GALNT13: variants seen among roughly 807,000 people sequenced by gnomAD.
GALNT13 encodes the protein polypeptide N-acetylgalactosaminyltransferase 13, also known as UDP-GalNAc:polypeptide N-acetylgalactosaminyltransferase 13.
In GALNT13, 28 loss-of-function variants were observed where a neutral mutation model predicts 64.2. The ratio of observed to expected loss-of-function variants is 0.44; its 90% CI spans 0.32 to 0.60. The LOEUF (loss-of-function observed/expected upper bound fraction) is 0.60, where lower values mean the gene tolerates loss of function less well. Ranked by LOEUF, GALNT13 falls within the 20% of genes least tolerant of loss-of-function variation. The pLI is 0.05. For synonymous variants in GALNT13, 214 were observed against 224.6 expected (o/e 0.95, Z 0.42); for missense variants, 577 against 669.8 (o/e 0.86, Z 1.53).
Position 154,037,116 on chromosome 2 carries a change from TA to T in GALNT13, c.142+92478del, listed in dbSNP as rs535153629. 1.1e-4 allele frequency among the ~76,000 whole-genome samples: 17 copies of T among 152,314 alleles called. No homozygotes were observed. The East Asian group carries it at 1.7e-3, about 16-fold the overall frequency. On this transcript the variant is annotated intron_variant, in intron 3 of 12. Transcript: ENST00000392825. ...AAGGTGATTTTATGTGACATATGTT[TA>T]TTTTTTTAATGCAATCTTCATTATA...
chr2:153,671,308 T>C, the GALNT13 span, among the ~76,000 whole-genome samples: 97,180 of 151,964 alleles, frequency 0.64, 31,497 homozygotes, highest in East Asian at 0.92. Context: ...AGAGAAAGGT[T>C]GGTTTACCCA....
At chr2:154,331,300 T>C (rs1695155041) in intron 9 of GALNT13, among the ~76,000 whole-genome samples, 1 of 151,944 alleles carries the variant, frequency 6.6e-6, no homozygotes, top group African/African-American at 2.4e-5. Flanking sequence ...TTTTAACTGT[T>C]CCCCTATGTC....
At chr2:154,261,557 T>C (rs1295281853) in intron 8 of GALNT13, among the ~76,000 whole-genome samples, 1 of 152,148 alleles carries the variant, frequency 6.6e-6, no homozygotes, top group Non-Finnish European at 1.5e-5. Context: ...TGAGAATATG[T>C]TGAGCATTTA....
At chr2:153,127,083 CA>C in the GALNT13 span, among the ~76,000 whole-genome samples, 1 of 151,948 alleles carries the variant, frequency 6.6e-6, no homozygotes, top group African/African-American at 2.4e-5. Context: ...ATACAAGCTA[CA>C]AAAAAATCTT....
chr2:153,911,498 A>T (rs930578175), intron 2 of GALNT13, among the ~76,000 whole-genome samples: 5 of 152,156 alleles, frequency 3.3e-5, no homozygotes, highest in Admixed American at 3.3e-4. Context: ...GTTACTTTAT[A>T]GTGCCACTTG....
chr2:153,638,223 T>C, the GALNT13 span, among the ~76,000 whole-genome samples: 2 of 152,106 alleles, frequency 1.3e-5, no homozygotes, highest in South Asian at 2.1e-4. Flanking sequence ...TTATATATCA[T>C]TGTAAAGATA....
the GALNT13 span, among the ~76,000 whole-genome samples, chr2:153,359,936 G>A: frequency 2.8e-3 from 424 of 152,272 alleles, 3 homozygotes; most frequent in Non-Finnish European, 4.8e-3. Context: ...CAAAAGCCTC[G>A]TTATAGGTTC....
At chr2:153,345,712 T>TTC in the GALNT13 span, among the ~76,000 whole-genome samples, 582 of 126,996 alleles carry the variant, frequency 4.6e-3, 18 homozygotes, top group Admixed American at 0.016. Context: ...TCTCTTTCTC[T>TTC]CTTTCTGTCC....
chr2:153,852,194 A>G, the GALNT13 span, among the ~76,000 whole-genome samples: 1 of 152,218 alleles, frequency 6.6e-6, no homozygotes, highest in Non-Finnish European at 1.5e-5. Flanking sequence ...CTATAACTAC[A>G]TTAAATGTAA....
chr2:154,191,293 G>A (rs1201583485), intron 4 of GALNT13, among the ~76,000 whole-genome samples: 1 of 152,090 alleles, frequency 6.6e-6, no homozygotes, highest in African/African-American at 2.4e-5. Flanking sequence ...TAAATTTTTG[G>A]CTCACTGACT....
chr2:154,157,763 G>A (rs914442577), intron 4 of GALNT13, among the ~76,000 whole-genome samples: 5 of 152,080 alleles, frequency 3.3e-5, no homozygotes, highest in South Asian at 4.1e-4. Flanking sequence ...TGCTATTGCC[G>A]AGGTCACTAA....
chr2:153,683,795 T>C, the GALNT13 span, among the ~76,000 whole-genome samples: 52 of 151,762 alleles, frequency 3.4e-4, no homozygotes, highest in African/African-American at 1.2e-3. Flanking sequence ...TTCTAATCTT[T>C]TGGGAGTAAC....
chr2:153,778,991 T>C, the GALNT13 span, among the ~76,000 whole-genome samples: 1 of 152,182 alleles, frequency 6.6e-6, no homozygotes, highest in African/African-American at 2.4e-5. Context: ...TGTGTGGTCT[T>C]GGACCCATTA....
chr2:153,934,111 T>C (rs1690730594), intron 2 of GALNT13, among the ~76,000 whole-genome samples: 1 of 152,212 alleles, frequency 6.6e-6, no homozygotes, highest in African/African-American at 2.4e-5. Flanking sequence ...AGGATTTTTC[T>C]GAATGTATCT....
chr2:153,919,308 C>T (rs1689598822), intron 2 of GALNT13, among the ~76,000 whole-genome samples: 2 of 151,920 alleles, frequency 1.3e-5, no homozygotes, highest in Admixed American at 6.6e-5. Flanking sequence ...GATATTCAGT[C>T]CCTATACTCA....
At chr2:154,401,327 A>G (rs1290089738) in intron 10 of GALNT13, among the ~76,000 whole-genome samples, 1 of 152,138 alleles carries the variant, frequency 6.6e-6, no homozygotes, top group African/African-American at 2.4e-5. Flanking sequence ...AATCAGATCT[A>G]TTTATAGATT....
At chr2:153,684,952 G>T in the GALNT13 span, among the ~76,000 whole-genome samples, 3 of 151,428 alleles carry the variant, frequency 2.0e-5, no homozygotes, top group Admixed American at 6.6e-5. Flanking sequence ...ATGGCCTCCA[G>T]CTCCATTCAT....
chr2:153,655,906 A>G, the GALNT13 span, among the ~76,000 whole-genome samples: 1 of 152,106 alleles, frequency 6.6e-6, no homozygotes. Context: ...ACAGCCAACA[A>G]ACTTATAATA....
At chr2:153,647,277 T>A in the GALNT13 span, among the ~76,000 whole-genome samples, 1 of 152,252 alleles carries the variant, frequency 6.6e-6, no homozygotes, top group Non-Finnish European at 1.5e-5. Context: ...GAGAAGTGTC[T>A]GTTCATATCC....
Sources: allele counts gnomAD v4.1 joint callset (sites outside exome capture counted in the v4.1 genomes callset), GRCh38; gene constraint gnomAD v4.1.1; transcripts MANE v1.5; gene names NCBI Gene and HGNC (gene_info 2026-07-23, HGNC 2026-07-21).